The following BNC2 variants were observed in gnomAD, a reference collection of about 807,000 sequenced individuals.
BNC2 encodes the protein basonuclin zinc finger protein 2.
Under a neutral mutation model 76.3 loss-of-function variants are expected in BNC2, and 20 were observed. The ratio of observed to expected loss-of-function variants is 0.26; its 90% CI spans 0.18 to 0.38. The LOEUF (loss-of-function observed/expected upper bound fraction) is 0.38. Among genes scored for constraint, BNC2 ranks in the 10% least tolerant of loss-of-function variants. The probability of loss-of-function intolerance (pLI) is 1.00; values close to 1 mark genes in which losing one functional copy is unlikely to be tolerated. For missense variants in BNC2, 1,382 were observed against 1,399.8 expected (o/e 0.99, Z 0.20); for synonymous variants, 582 against 514.8 (o/e 1.13, Z -1.77).
chr9:16,455,410 T>C (rs377418645), intron 5 of BNC2, among the ~76,000 whole-genome samples: 7 of 152,326 alleles, frequency 4.6e-5, no homozygotes, highest in Admixed American at 2.6e-4. Context: ...TCTGCTCCTA[T>C]ACCAAAAAGA....
intron 1 of BNC2, among the ~76,000 whole-genome samples, chr9:16,773,452 T>G (rs1445382777): frequency 6.6e-6 from 1 of 151,606 alleles, no homozygotes; most frequent in Non-Finnish European, 1.5e-5. Context: ...GTTTTCTCGT[T>G]CTGTTGAGAT....
chr9:16,848,546 C>T (rs1819047099), intron 1 of BNC2, among the ~76,000 whole-genome samples: 2 of 152,188 alleles, frequency 1.3e-5, no homozygotes, highest in African/African-American at 4.8e-5. Flanking sequence ...CCTCCAAAGA[C>T]ACTGTTAATT....
At chr9:16,866,644 C>A (rs1405386751) in intron 1 of BNC2, among the ~76,000 whole-genome samples, 2 of 120,996 alleles carry the variant, frequency 1.7e-5, no homozygotes, top group African/African-American at 6.5e-5. Flanking sequence ...GTAGAAAGTT[C>A]TTTTGCTTCT....
rs932472633 is a variant in BNC2 at position 16,790,558 on chromosome 9, G to A, written c.4-52073C>T. Among the ~76,000 whole-genome samples, 23 of 152,236 alleles carry A rather than the reference G, an allele frequency of 1.5e-4. No individual in the cohort carries two copies. In the East Asian group the frequency reaches 4.3e-3, roughly 28 times the overall value. Reference sequence around the variant, plus strand: ...AAACAAGCATCTTTTCCATGCCTTGGTAGATAGGTATACTTCCTTCTAAGT... The same window carrying A: ...AAACAAGCATCTTTTCCATGCCTTGATAGATAGGTATACTTCCTTCTAAGT... On this transcript the variant is annotated intron_variant, in intron 1 of 6. Coordinates refer to ENST00000380672, the MANE Select transcript of BNC2 (RefSeq NM_017637.6).
At chr9:16,810,044 T>C (rs1818006143) in intron 1 of BNC2, among the ~76,000 whole-genome samples, 1 of 152,202 alleles carries the variant, frequency 6.6e-6, no homozygotes, top group South Asian at 2.1e-4. Flanking sequence ...AGCTCTTTAG[T>C]CTTTTTCTGC....
intron 1 of BNC2, among the ~76,000 whole-genome samples, chr9:16,845,443 C>T (rs536886892): frequency 5.9e-5 from 9 of 152,214 alleles, no homozygotes; most frequent in African/African-American, 7.2e-5. Context: ...GAAAATTGGC[C>T]GGGCGCGGTG....
Position 16,662,553 on chromosome 9 carries a change from T to C in BNC2, c.330+65244A>G, listed in dbSNP as rs557265124. 7.4e-4 allele frequency among the ~76,000 whole-genome samples: 113 copies of C among 152,236 alleles called. 1 individual carries two copies. The highest frequency in any genetic ancestry group is 1.2e-3 in the Non-Finnish European group (79 of 68,010). On this transcript the variant is annotated intron_variant, in intron 3 of 6. Coordinates refer to ENST00000380672, the MANE Select transcript of BNC2 (RefSeq NM_017637.6). ...GAGTTCAAGGCCAGCCTGGCCAATA[T>C]GGTGAAACCTCGTCTCCACTAAACA...
Position 16,419,438 on chromosome 9 carries a change from T to C in BNC2, c.2851A>G (p.Arg951Gly). Reference protein sequence around the residue: ...TEDSHLNGYGRGMAEDYMVLD... With the variant: ...TEDSHLNGYGGGMAEDYMVLD... ...ACCATGTAGTCCTCTGCCATGCCTCTCCCATACCCGTTCAGGTGGGAGTCT... is the reference window on the plus strand; with the variant it reads ...ACCATGTAGTCCTCTGCCATGCCTCCCCCATACCCGTTCAGGTGGGAGTCT... Residue 951 changes from arginine to glycine, a missense_variant, in exon 7 of 7, where the codon AGA (arginine) becomes GGA (glycine). Coordinates refer to ENST00000380672, the MANE Select transcript of BNC2 (RefSeq NM_017637.6). 2 of 1,610,300 alleles carry C rather than the reference T, an allele frequency of 1.2e-6. No homozygotes were observed. The highest frequency in any genetic ancestry group is 1.7e-6 in the Non-Finnish European group (2 of 1,177,958).
rs929521754 is a variant in BNC2 at position 16,726,149 on chromosome 9, C to T, written c.330+1648G>A. Among the ~76,000 whole-genome samples, 35 of 152,268 alleles carry T rather than the reference C, an allele frequency of 2.3e-4. 1 individual carries two copies. The highest frequency in any genetic ancestry group is 7.2e-4 in the African/African-American group (30 of 41,562). ...GAGAGCCACCCAGGCAGGGATGCGT[C>T]GCGGAAAACACCTCTCACAGCGCTC... On this transcript the variant is annotated intron_variant, in intron 3 of 6. Transcript: ENST00000380672.
intron 3 of BNC2, among the ~76,000 whole-genome samples, chr9:16,676,425 C>T (rs1436082979): frequency 4.6e-5 from 7 of 152,190 alleles, no homozygotes; most frequent in Non-Finnish European, 8.8e-5. Flanking sequence ...TTTCCTTCTT[C>T]TATGAAGCTG....
intron 3 of BNC2, among the ~76,000 whole-genome samples, chr9:16,721,547 G>A (rs983190327): frequency 2.0e-5 from 3 of 152,104 alleles, no homozygotes; most frequent in African/African-American, 7.2e-5. Context: ...CTGGAGAAGG[G>A]TGGTCACTGA....
At chr9:16,471,931 T>C (rs1169475870) in intron 5 of BNC2, among the ~76,000 whole-genome samples, 1 of 152,204 alleles carries the variant, frequency 6.6e-6, no homozygotes. Context: ...TCACAAGATC[T>C]GATGGGTTTA....
chr9:16,445,111 A>G (rs1821204785), intron 5 of BNC2, among the ~76,000 whole-genome samples: 1 of 152,236 alleles, frequency 6.6e-6, no homozygotes, highest in Non-Finnish European at 1.5e-5. Flanking sequence ...ATTGAAAACA[A>G]TAGATTCTGG....
At chr9:16,787,901 C>T (rs889970207) in intron 1 of BNC2, among the ~76,000 whole-genome samples, 5 of 152,148 alleles carry the variant, frequency 3.3e-5, no homozygotes, top group Non-Finnish European at 7.3e-5. Flanking sequence ...CAGGATGCAG[C>T]TTCAGAACCG....
chr9:16,585,962 G>C (rs1819757431), intron 3 of BNC2, among the ~76,000 whole-genome samples: 1 of 152,108 alleles, frequency 6.6e-6, no homozygotes, highest in Non-Finnish European at 1.5e-5. Flanking sequence ...AGTTCAGTCA[G>C]AGTGTTCCCA....
intron 3 of BNC2, chr9:16,665,087 A>G (rs929736711): frequency 1.3e-5 from 6 of 456,086 alleles, no homozygotes; most frequent in African/African-American, 1.2e-4. Flanking sequence ...AGCAACTTTC[A>G]GCCGGGTGCA....
chr9:16,672,362 T>A (rs988281154), intron 3 of BNC2, among the ~76,000 whole-genome samples: 2 of 152,084 alleles, frequency 1.3e-5, no homozygotes, highest in African/African-American at 4.8e-5. Flanking sequence ...CTGGGCATGG[T>A]GGCGGGCACC....
intron 1 of BNC2, among the ~76,000 whole-genome samples, chr9:16,759,210 G>A (rs983243889): frequency 6.6e-6 from 1 of 152,124 alleles, no homozygotes; most frequent in Non-Finnish European, 1.5e-5. Flanking sequence ...AAAAAATCGA[G>A]GCAATTGGAA....
intron 4 of BNC2, 118 bp from the exon 5 acceptor site, chr9:16,552,883 T>C (rs1406700435): frequency 3.8e-6 from 3 of 795,534 alleles, no homozygotes; most frequent in South Asian, 3.1e-5. Context: ...CACATGAATG[T>C]TCGCCATAGG....
Sources: allele counts gnomAD v4.1 joint callset (sites outside exome capture counted in the v4.1 genomes callset), GRCh38; gene constraint gnomAD v4.1.1; transcripts MANE v1.5; gene names NCBI Gene and HGNC (gene_info 2026-07-23, HGNC 2026-07-21).